Variants in ZRANB2 observed in about 807,000 individuals in gnomAD.
ZRANB2 encodes the protein zinc finger Ran-binding domain-containing protein 2.
Under a neutral mutation model 53.4 loss-of-function variants are expected in ZRANB2, and 19 were observed. The observed-to-expected ratio is 0.36, with a 90% CI of 0.25 to 0.52. The LOEUF (loss-of-function observed/expected upper bound fraction) is 0.52. Ranked by LOEUF, ZRANB2 falls within the 20% of genes least tolerant of loss-of-function variation. ZRANB2 has a pLI of 0.93. For missense variants in ZRANB2, 309 were observed against 401.1 expected (o/e 0.77, Z 1.96); for synonymous variants, 145 against 134.8 (o/e 1.08, Z -0.52).
intron 2 of ZRANB2, 29 bp downstream of exon 2, chr1:71,078,627 T>C (rs757490835): frequency 4.3e-6 from 7 of 1,609,906 alleles, no homozygotes; most frequent in Non-Finnish European, 5.9e-6. Flanking sequence ...ACATATACAG[T>C]ATAAATAGAA....
chr1:71,072,423 TTC>T lies in ZRANB2; in HGVS notation c.378+47_378+48del, dbSNP rs539638281. On this transcript the variant is annotated intron_variant, in intron 5 of 9. Coordinates refer to ENST00000370920, the MANE Select transcript of ZRANB2 (RefSeq NM_203350.3). The stretch of plus-strand genomic sequence containing the variant: ...GTTTTCCTTTGCATTTAAGAATTTT[TTC>T]TGTTTTTCTAATTTATATTCAACCT... The T allele has an allele frequency of 1.2e-3, 1,920 of 1,541,504 alleles. 14 individuals are homozygous for T. The highest frequency in any genetic ancestry group is 0.012 in the South Asian group (961 of 81,716).
At chr1:71,074,991 GAA>G (rs796329411) in intron 4 of ZRANB2, among the ~76,000 whole-genome samples, 21 of 152,230 alleles carry the variant, frequency 1.4e-4, no homozygotes, top group African/African-American at 5.1e-4. Flanking sequence ...ATGACAATAA[GAA>G]AAGTGAGAAG....
Position 71,072,001 on chromosome 1 carries a change from G to A in ZRANB2, c.513+120C>T, listed in dbSNP as rs994150177. The A allele has an allele frequency of 7.7e-6, 11 of 1,419,832 alleles. No individual in the cohort carries two copies. In the African/African-American group the frequency reaches 1.2e-4, roughly 15 times the overall value. 88.0% of individuals were successfully genotyped at this position (1,419,832 alleles called of 1,614,324 possible). ...GGCAGAGTGGAAATCCAAAACCTTT[G>A]TGAGAACAAATGAAAACACAGAATA... is the stretch of plus-strand genomic sequence containing the variant. On this transcript the variant is annotated intron_variant, in intron 6 of 9. Coordinates refer to ENST00000370920, the MANE Select transcript of ZRANB2 (RefSeq NM_203350.3).
At chr1:71,065,827 A>T (rs1271237707) in intron 9 of ZRANB2, 1 of 1,583,176 alleles carries the variant, frequency 6.3e-7, no homozygotes, top group Non-Finnish European at 8.6e-7. Flanking sequence ...CTAAGATAAA[A>T]ATTTGCAGAA....
chr1:71,065,536 T>G (rs1157587044), intron 9 of ZRANB2: 2 of 1,290,558 alleles, frequency 1.5e-6, no homozygotes, highest in Non-Finnish European at 2.0e-6. Context: ...AAGTCTATTA[T>G]GTAAAAAAGA....
At chr1:71,066,962 A>G in intron 8 of ZRANB2, 28 bp from the exon 9 acceptor site, 2 of 1,538,784 alleles carry the variant, frequency 1.3e-6, no homozygotes, top group South Asian at 2.6e-5. Context: ...CAAATCAAAC[A>G]TTTCATTAAA....
At chr1:71,078,765 T>C in intron 1 of ZRANB2, 57 bp from the exon 2 acceptor site, 1 of 1,440,050 alleles carries the variant, frequency 6.9e-7, no homozygotes, top group Non-Finnish European at 9.7e-7. Flanking sequence ...TTTTACATTT[T>C]AACTTGTCCT....
rs1337769015 is a variant in ZRANB2 at position 71,063,714 on chromosome 1, A to G, written c.*1360T>C. On this transcript the variant is annotated 3_prime_UTR_variant, in exon 10 of 10. Transcript: ENST00000370920. ...TATTATCAAAATATTTCTACATAAGATATCTTGCTTTCATTTTTAGATCAG... is the reference window on the plus strand; with the variant it reads ...TATTATCAAAATATTTCTACATAAGGTATCTTGCTTTCATTTTTAGATCAG... 6.6e-6 allele frequency: 1 copy of G among 152,378 alleles called. No homozygotes were observed. The highest frequency in any genetic ancestry group is 1.5e-5 in the Non-Finnish European group (1 of 67,878). 9.4% of individuals were successfully genotyped at this position (152,378 alleles called of 1,614,324 possible). A position where few individuals can be genotyped will look rare whatever the true frequency, so the allele number is the denominator to read the frequency against.
chr1:71,079,936 A>T (rs186415625), intron 1 of ZRANB2, among the ~76,000 whole-genome samples: 270 of 152,198 alleles, frequency 1.8e-3, no homozygotes, highest in African/African-American at 6.3e-3. Context: ...AATAGCCACC[A>T]ATTAGAATTT....
At chr1:71,072,356 G>T (rs1661613647) in intron 5 of ZRANB2, 101 bp from the exon 6 acceptor site, 1 of 1,443,070 alleles carries the variant, frequency 6.9e-7, no homozygotes, top group East Asian at 2.4e-5. Flanking sequence ...TCCTGAAAAT[G>T]ATCAGTTGCT....
At chr1:71,074,497 T>C (rs1455861485) in intron 4 of ZRANB2, among the ~76,000 whole-genome samples, 2 of 152,114 alleles carry the variant, frequency 1.3e-5, no homozygotes, top group Non-Finnish European at 2.9e-5. Context: ...GAATATAACA[T>C]GTACTTCAAA....
At chr1:71,068,984 C>T (rs1404365918) in intron 8 of ZRANB2, among the ~76,000 whole-genome samples, 1 of 151,720 alleles carries the variant, frequency 6.6e-6, no homozygotes. Context: ...AGAGATGTGG[C>T]GATAAGACTT....
intron 1 of ZRANB2, among the ~76,000 whole-genome samples, chr1:71,079,980 T>C (rs944464439): frequency 4.6e-5 from 7 of 152,192 alleles, no homozygotes; most frequent in African/African-American, 1.2e-4. Context: ...CCTATCCATG[T>C]TATTTCATGT....
At chr1:71,073,683 A>G (rs1457420283) in intron 4 of ZRANB2, among the ~76,000 whole-genome samples, 2 of 152,062 alleles carry the variant, frequency 1.3e-5, no homozygotes, top group Non-Finnish European at 2.9e-5. Flanking sequence ...ATAGGAAAAA[A>G]CTGAAAAGTA....
chr1:71,075,913 G>A (rs1661700789), intron 4 of ZRANB2, among the ~76,000 whole-genome samples: 2 of 151,460 alleles, frequency 1.3e-5, no homozygotes, highest in African/African-American at 4.9e-5. Context: ...AAGGGGTGGG[G>A]GGGGATAAAA....
At position 71,081,007 on chromosome 1, in the gene ZRANB2, C is replaced by A. The variant is rs777381262; in HGVS notation, c.-12G>T. 16 of 1,614,032 alleles carry A rather than the reference C, an allele frequency of 9.9e-6. 1 individual carries two copies. In the African/African-American group the frequency reaches 1.7e-4, roughly 18 times the overall value. On this transcript the variant is annotated 5_prime_UTR_variant, in exon 1 of 10. Coordinates refer to ENST00000370920, the MANE Select transcript of ZRANB2 (RefSeq NM_203350.3). ...TTCTTGGTCGACATCTTGAACGCCA[C>A]CAGCACAGCCACCCGCAGCTATGTC...
At chr1:71,072,304 C>T (rs777217373) in intron 5 of ZRANB2, 49 bp from the exon 6 acceptor site, 3 of 1,512,862 alleles carry the variant, frequency 2.0e-6, no homozygotes, top group Non-Finnish European at 2.7e-6. Context: ...ATGCATTAAA[C>T]TTAATACATT....
At chr1:71,078,744 A>T in intron 1 of ZRANB2, 36 bp from the exon 2 acceptor site, 1 of 1,558,422 alleles carries the variant, frequency 6.4e-7, no homozygotes, top group East Asian at 2.3e-5. Flanking sequence ...TAAAAATTTA[A>T]ATTTGTAAAA....
At position 71,080,978 on chromosome 1, in the gene ZRANB2, G is replaced by A; in HGVS notation, c.18C>T (p.Phe6=). The A allele has an allele frequency of 6.2e-7, 1 of 1,614,126 alleles. No individual in the cohort carries two copies. The highest frequency in any genetic ancestry group is 8.5e-7 in the Non-Finnish European group (1 of 1,180,030). ...AAATCCAGTCCCCGTCACTGACTCG[G>A]AAATTCTTGGTCGACATCTTGAACG... is the stretch of plus-strand genomic sequence containing the variant. MSTKN[F]RVSDGDWICP... is the part of the protein sequence containing the mutation. The change falls in exon 1 of 10, where the codon TTC becomes TTT. Residue 6 remains phenylalanine, a synonymous_variant. Coordinates refer to ENST00000370920, the MANE Select transcript of ZRANB2 (RefSeq NM_203350.3).
Sources: allele counts gnomAD v4.1 joint callset (sites outside exome capture counted in the v4.1 genomes callset), GRCh38; gene constraint gnomAD v4.1.1; transcripts MANE v1.5; gene names NCBI Gene and HGNC (gene_info 2026-07-23, HGNC 2026-07-21).